Variants in PACS2 observed in about 807,000 individuals in gnomAD.
PACS2 encodes PACS1-like protein.
A neutral mutation model predicts 113.0 loss-of-function variants in PACS2; 36 were observed. The ratio of observed to expected loss-of-function variants is 0.32; its 90% CI spans 0.24 to 0.42. The LOEUF is 0.42. Ranked by LOEUF, PACS2 falls within the 10% of genes least tolerant of loss-of-function variation. PACS2 has a pLI of 1.00. For synonymous variants in PACS2, 589 were observed against 536.1 expected (o/e 1.10, Z -1.36); for missense variants, 1,015 against 1,239.5 (o/e 0.82, Z 2.72).
rs2059016022 is a variant in PACS2, at chr14:105,324,386, A to AG, written c.119+9354dup. 6.6e-6 allele frequency among the ~76,000 whole-genome samples: 1 copy of AG among 152,020 alleles called. No homozygotes were observed. The highest frequency in any genetic ancestry group is 2.4e-5 in the African/African-American group (1 of 41,382). On this transcript the variant is annotated intron_variant, in intron 1 of 24. Transcript: ENST00000447393. The surrounding 1 kb of genome is among the most constrained non-coding windows in gnomAD (Gnocchi z 4.7). ...GTTGTACAGTGCTTTCCCCAGGACC[A>AG]GGGGGCAGGGTGTGGCGTGCTTATT...
chr14:105,375,296 G>A (rs1176593243), intron 8 of PACS2, among the ~76,000 whole-genome samples: 4 of 152,038 alleles, frequency 2.6e-5, no homozygotes, highest in Non-Finnish European at 2.9e-5. Flanking sequence ...TGGCTAACAC[G>A]GTGAAACCCC....
chr14:105,344,184 TG>T (rs763393433), intron 1 of PACS2, among the ~76,000 whole-genome samples: 19 of 151,592 alleles, frequency 1.3e-4, no homozygotes, highest in Non-Finnish European at 2.5e-4. Context: ...CCCGAAGTGT[TG>T]GGATTACAGG....
intron 1 of PACS2, among the ~76,000 whole-genome samples, chr14:105,307,726 C>T (rs781015822): frequency 1.3e-5 from 2 of 152,256 alleles, no homozygotes; most frequent in Non-Finnish European, 2.9e-5. Flanking sequence ...TCTACTTCCT[C>T]ATCTGCATAA....
Position 105,355,278 on chromosome 14 carries a change from C to A in PACS2, c.423+101C>A. 1 of 1,362,210 alleles carries A rather than the reference C, an allele frequency of 7.3e-7. No individual in the cohort carries two copies. Among genetic ancestry groups the A allele is most frequent in the Non-Finnish European group, 9.9e-7 (1 of 1,006,862 alleles). The allele number at this position is 1,362,210 out of a possible 1,614,324, so 84.4% of individuals were successfully genotyped here. On this transcript the variant is annotated intron_variant, in intron 4 of 24. Transcript: ENST00000447393. The surrounding 1 kb of genome is among the most constrained non-coding windows in gnomAD (Gnocchi z 4.1). ...GATGTCTCTCCCGGGTCCAGATGTC[C>A]AGGGATCAGGTGAAAATGATGAGAG...
chr14:105,393,633 A>G, intron 24 of PACS2: 1 of 297,822 alleles, frequency 3.4e-6, no homozygotes, highest in Non-Finnish European at 6.2e-6. Context: ...CTTGTTACCC[A>G]GGCTGGAGTG....
At position 105,323,940 on chromosome 14, in the gene PACS2, G is replaced by A. The variant is rs1263882732; in HGVS notation, c.119+8903G>A. ...ACGGTGCGTGCACACCGCTCTGTCCGCGCAGGCTGTGCCCTGCTTTCAAGA... is the reference window on the plus strand; with the variant it reads ...ACGGTGCGTGCACACCGCTCTGTCCACGCAGGCTGTGCCCTGCTTTCAAGA... On this transcript the variant is annotated intron_variant, in intron 1 of 24. Transcript: ENST00000447393. This position sits in a 1 kb window ranked among gnomAD's most constrained non-coding sequence, Gnocchi z 4.1. 6.6e-6 allele frequency among the ~76,000 whole-genome samples: 1 copy of A among 152,228 alleles called. No homozygotes were observed. Among genetic ancestry groups the A allele is most frequent in the African/African-American group, 2.4e-5 (1 of 41,456 alleles).
rs782395088 is a variant in PACS2 at position 105,383,464 on chromosome 14, C to T, written c.1731C>T (p.His577=). The T allele has an allele frequency of 6.2e-6, 10 of 1,608,794 alleles. No individual in the cohort carries two copies. In the South Asian group the frequency reaches 9.9e-5, roughly 16 times the overall value. The part of the protein sequence containing the change: ...ILRLFVEQLS[H]KTPDWLGYMR... ...GGCTCTTTGTGGAGCAGCTGTCCCA[C>T]AAGACACCCGACTGGCTCGGCTACA... Residue 577 remains histidine, a synonymous_variant, in exon 16 of 25, where the codon CAC becomes CAT. Coordinates refer to ENST00000447393, the MANE Select transcript of PACS2 (RefSeq NM_001100913.3).
chr14:105,303,228 C>G (rs1301088772), intron 1 of PACS2, among the ~76,000 whole-genome samples: 9 of 151,924 alleles, frequency 5.9e-5, no homozygotes, highest in Non-Finnish European at 4.4e-5. Context: ...TGCACCCGGC[C>G]CCTTTTTCTA....
In PACS2 at chr14:105,366,840, A is replaced by G. The variant is rs1338657609; in HGVS notation, c.424-373A>G. ...GATCTTCCTGGGTGGCACTGCATGGACAGCAGTCGTGCCTGAGATCAGGAG... is the reference window on the plus strand; with the variant it reads ...GATCTTCCTGGGTGGCACTGCATGGGCAGCAGTCGTGCCTGAGATCAGGAG... On this transcript the variant is annotated intron_variant, in intron 4 of 24. Coordinates refer to ENST00000447393, the MANE Select transcript of PACS2 (RefSeq NM_001100913.3). This position sits in a 1 kb window ranked among gnomAD's most constrained non-coding sequence, Gnocchi z 4.3. Among the ~76,000 whole-genome samples the G allele has an allele frequency of 3.9e-5, 6 of 152,074 alleles. No individual in the cohort carries two copies. The East Asian group carries it at 1.2e-3, about 29-fold the overall frequency.
intron 1 of PACS2, among the ~76,000 whole-genome samples, chr14:105,335,824 C>T (rs2059495216): frequency 6.6e-6 from 1 of 152,242 alleles, no homozygotes; most frequent in African/African-American, 2.4e-5. Flanking sequence ...CTGGCAGCCG[C>T]CCTCGGCCGC....
At chr14:105,322,211 C>T (rs143522195) in intron 1 of PACS2, among the ~76,000 whole-genome samples, 2,286 of 152,010 alleles carry the variant, frequency 0.015, 59 homozygotes, top group African/African-American at 0.05. Context: ...GCTGGGATTA[C>T]AGGCTGAGCC....
intron 8 of PACS2, among the ~76,000 whole-genome samples, chr14:105,375,129 G>A (rs587596262): frequency 6.6e-6 from 1 of 152,140 alleles, no homozygotes; most frequent in East Asian, 1.9e-4. Context: ...GCTCTACCCT[G>A]GGCAACAAAG....
rs1013768471 is a variant in PACS2, at chr14:105,389,854, G to A, written c.2034-107G>A. 6.2e-5 allele frequency: 63 copies of A among 1,012,892 alleles called. No homozygotes were observed. In the African/African-American group the frequency reaches 8.4e-4, roughly 13 times the overall value. 62.7% of individuals were successfully genotyped at this position (1,012,892 alleles called of 1,614,324 possible). A position where few individuals can be genotyped will look rare whatever the true frequency, so the allele number is the denominator to read the frequency against. ...CTGTCCGGCAGGGCCATCCGGCAGG[G>A]CCGCGGCCCCAGGGCTGCGCCAGGT... On this transcript the variant is annotated intron_variant, in intron 19 of 24. Coordinates refer to ENST00000447393, the MANE Select transcript of PACS2 (RefSeq NM_001100913.3).
chr14:105,364,232 C>G (rs587704602), intron 4 of PACS2, among the ~76,000 whole-genome samples: 1 of 152,124 alleles, frequency 6.6e-6, no homozygotes, highest in East Asian at 1.9e-4. Context: ...AACAGAAGAT[C>G]AGCAAAGTGC....
intron 1 of PACS2, among the ~76,000 whole-genome samples, chr14:105,333,386 G>C (rs1451601113): frequency 6.6e-6 from 1 of 152,244 alleles, no homozygotes; most frequent in Non-Finnish European, 1.5e-5. Flanking sequence ...TGCTGTGTTA[G>C]CTGCCTGCAG....
intron 8 of PACS2, chr14:105,371,076 A>C (rs949167458): frequency 1.3e-5 from 2 of 152,310 alleles, no homozygotes; most frequent in Non-Finnish European, 2.9e-5. Flanking sequence ...CCATGTGCCG[A>C]AACAGGTGCT....
chr14:105,391,048 C>T lies in PACS2; in HGVS notation c.2077-159C>T, dbSNP rs1415913606. The T allele has an allele frequency of 7.6e-6, 5 of 654,102 alleles. No homozygotes were observed. In the African/African-American group the frequency reaches 8.9e-5, roughly 12 times the overall value. 40.5% of individuals were successfully genotyped at this position (654,102 alleles called of 1,614,324 possible). On this transcript the variant is annotated intron_variant, in intron 20 of 24. Coordinates refer to ENST00000447393, the MANE Select transcript of PACS2 (RefSeq NM_001100913.3). The stretch of plus-strand genomic sequence containing the variant: ...GGCTGCTCTGAGCTCAGCTCTGCTC[C>T]ACAGATGGGGAGAGAAGGGCAGGAG...
chr14:105,355,260 C>T lies in PACS2; in HGVS notation c.423+83C>T. The T allele has an allele frequency of 6.8e-7, 1 of 1,474,054 alleles. No homozygotes were observed. Among genetic ancestry groups the T allele is most frequent in the South Asian group, 1.3e-5 (1 of 78,114 alleles). 91.3% of individuals were successfully genotyped at this position (1,474,054 alleles called of 1,614,324 possible). A position where few individuals can be genotyped will look rare whatever the true frequency, so the allele number is the denominator to read the frequency against. Reference sequence around the variant, plus strand: ...TCGCCCGTGGGAGATGGAGATGTCTCTCCCGGGTCCAGATGTCCAGGGATC... The same window carrying T: ...TCGCCCGTGGGAGATGGAGATGTCTTTCCCGGGTCCAGATGTCCAGGGATC... On this transcript the variant is annotated intron_variant, in intron 4 of 24. Coordinates refer to ENST00000447393, the MANE Select transcript of PACS2 (RefSeq NM_001100913.3). The surrounding 1 kb of genome is among the most constrained non-coding windows in gnomAD (Gnocchi z 4.1).
In PACS2 at chr14:105,393,225, T is replaced by C; in HGVS notation, c.2486T>C (p.Met829Thr). ...VVTKEKNKKV[M>T]FLPKKAKDKD... is the part of the protein sequence containing the mutation. ...AGGGCCTCTTTTCTCCTCCCAGTGA[T>C]GTTTCTGCCCAAGAAAGCGAAGGAC... The change falls in exon 24 of 25, where the codon ATG (methionine) becomes ACG (threonine). Residue 829 changes from methionine (M) to threonine (T), a missense_variant. Met to Thr is a moderately conservative substitution (Grantham distance 81, BLOSUM62 -1). Transcript: ENST00000447393. 6.2e-7 allele frequency: 1 copy of C among 1,611,090 alleles called. No individual in the cohort carries two copies. Among genetic ancestry groups the C allele is most frequent in the African/African-American group, 1.3e-5 (1 of 75,030 alleles).
Sources: allele counts gnomAD v4.1 joint callset (sites outside exome capture counted in the v4.1 genomes callset), GRCh38; gene constraint gnomAD v4.1.1; non-coding constraint Gnocchi (gnomAD v3.1); transcripts MANE v1.5; gene names NCBI Gene and HGNC (gene_info 2026-07-23, HGNC 2026-07-21).